Variants in SGMS1 observed in about 807,000 individuals in gnomAD.
SGMS1 encodes the protein phosphatidylcholine:ceramide cholinephosphotransferase 1.
In SGMS1, 13 loss-of-function variants were observed where a neutral mutation model predicts 46.2. The ratio of observed to expected loss-of-function variants is 0.28; its 90% CI spans 0.18 to 0.45. SGMS1 has a LOEUF of 0.45. Among genes scored for constraint, SGMS1 ranks in the 20% least tolerant of loss-of-function variants. The pLI is 1.00. For missense variants in SGMS1, 324 were observed against 519.9 expected, an observed-to-expected ratio of 0.62 and a Z score of 3.66; for synonymous variants, 203 against 187.8, an observed-to-expected ratio of 1.08 and a Z score of -0.66.
intron 4 of SGMS1, among the ~76,000 whole-genome samples, chr10:50,465,075 C>A (rs1488714841): frequency 6.6e-6 from 1 of 152,108 alleles, no homozygotes; most frequent in African/African-American, 2.4e-5. Context: ...CCCCTTAATC[C>A]TCATAGGTAG....
At chr10:50,463,953 T>C (rs1283234760) in intron 4 of SGMS1, among the ~76,000 whole-genome samples, 1 of 152,136 alleles carries the variant, frequency 6.6e-6, no homozygotes, top group East Asian at 1.9e-4. Flanking sequence ...TCCACTTATA[T>C]GAGGTATTTA....
chr10:50,310,783 G>C (rs1847241008), intron 9 of SGMS1, among the ~76,000 whole-genome samples: 1 of 152,154 alleles, frequency 6.6e-6, no homozygotes, highest in South Asian at 2.1e-4. Context: ...TTTAGTATCT[G>C]CCTCAGCCCT....
intron 6 of SGMS1, among the ~76,000 whole-genome samples, chr10:50,417,567 C>A (rs147221421): frequency 4.5e-4 from 68 of 152,296 alleles, no homozygotes; most frequent in African/African-American, 1.6e-3. Context: ...AACACAGGGG[C>A]ACGTGCATCC....
At chr10:50,505,762 G>A (rs1837701236) in intron 3 of SGMS1, among the ~76,000 whole-genome samples, 1 of 152,172 alleles carries the variant, frequency 6.6e-6, no homozygotes, top group Admixed American at 6.5e-5. Flanking sequence ...AGGGATGGGA[G>A]GGGGTGATGT....
intron 5 of SGMS1, among the ~76,000 whole-genome samples, chr10:50,456,300 A>C (rs1230387261): frequency 6.7e-6 from 1 of 149,620 alleles, no homozygotes; most frequent in Non-Finnish European, 1.5e-5. Context: ...CAATAAGGAC[A>C]ATTATTGATA....
Position 50,542,606 on chromosome 10 carries a change from GGAAAACAGA to G in SGMS1, c.-588-22694_-588-22686del, listed in dbSNP as rs1391579623. ...AAACTACCATAAAGAAAAGTGTATA[GGAAAACAGA>G]GAAAACAGAGAAGGTATACACACAC... On this transcript the variant is annotated intron_variant, in intron 2 of 10. Coordinates refer to ENST00000361781, the MANE Select transcript of SGMS1 (RefSeq NM_147156.4). Among the ~76,000 whole-genome samples the G allele has an allele frequency of 1.2e-4, 18 of 149,044 alleles. No individual in the cohort carries two copies. In the Admixed American group the frequency reaches 1.2e-3, roughly 10 times the overall value.
intron 6 of SGMS1, among the ~76,000 whole-genome samples, chr10:50,421,885 C>T (rs2133597244): frequency 6.6e-6 from 1 of 152,258 alleles, no homozygotes; most frequent in African/African-American, 2.4e-5. Flanking sequence ...GCTCTTTAGT[C>T]CAGGCCTCTC....
chr10:50,526,202 G>C (rs1837899799), intron 2 of SGMS1, among the ~76,000 whole-genome samples: 1 of 152,156 alleles, frequency 6.6e-6, no homozygotes, highest in Non-Finnish European at 1.5e-5. Context: ...AGCATGACTG[G>C]AAGGCCTCAG....
In SGMS1 at chr10:50,356,329, G is replaced by A. The variant is rs531557565; in HGVS notation, c.-231-11984C>T. 1.4e-4 allele frequency among the ~76,000 whole-genome samples: 22 copies of A among 152,214 alleles called. 1 individual carries two copies. Among genetic ancestry groups the A allele is most frequent in the Admixed American group, 4.6e-4 (7 of 15,274 alleles). ...AAATGGATTAAGGGCGGTGCAAGAT[G>A]TGCTTTGTTAAACAGATGCTTGAAG... On this transcript the variant is annotated intron_variant, in intron 6 of 10. Transcript: ENST00000361781.
At chr10:50,621,154 G>A (rs1838846155) in intron 1 of SGMS1, among the ~76,000 whole-genome samples, 1 of 151,994 alleles carries the variant, frequency 6.6e-6, no homozygotes, top group Non-Finnish European at 1.5e-5. Flanking sequence ...TCCATCCTGG[G>A]TGACAGAATA....
chr10:50,537,107 T>C (rs967701574), intron 2 of SGMS1, among the ~76,000 whole-genome samples: 1 of 152,234 alleles, frequency 6.6e-6, no homozygotes, highest in African/African-American at 2.4e-5. Flanking sequence ...TTGGCTGAAT[T>C]TTCCCAGTCT....
intron 3 of SGMS1, among the ~76,000 whole-genome samples, chr10:50,502,728 T>C (rs1400559895): frequency 6.6e-6 from 1 of 152,206 alleles, no homozygotes; most frequent in South Asian, 2.1e-4. Context: ...AATGTATTTA[T>C]GTGGATGCCC....
intron 6 of SGMS1, among the ~76,000 whole-genome samples, chr10:50,355,765 G>A (rs1449532543): frequency 1.3e-5 from 2 of 150,836 alleles, no homozygotes; most frequent in East Asian, 2.0e-4. Context: ...CCCTCTGCCC[G>A]GCTGCCCAGT....
At chr10:50,464,010 G>A (rs67761241) in intron 4 of SGMS1, among the ~76,000 whole-genome samples, 2 of 152,070 alleles carry the variant, frequency 1.3e-5, no homozygotes, top group Admixed American at 6.6e-5. Context: ...AAGGTGGTTC[G>A]TAGTTGCCAG....
At chr10:50,427,568 G>T (rs1021490216) in intron 6 of SGMS1, among the ~76,000 whole-genome samples, 1 of 152,206 alleles carries the variant, frequency 6.6e-6, no homozygotes, top group African/African-American at 2.4e-5. Context: ...AGGGGGGAAA[G>T]AGAAGGTAAG....
chr10:50,624,798 C>T (rs113917774), upstream of SGMS1: 265,306 of 986,272 alleles, frequency 0.27, 36,492 homozygotes, highest in Middle Eastern at 0.32. Flanking sequence ...GCCCCGATGC[C>T]CGCCGTCCCT....
chr10:50,523,994 A>G (rs907526870), intron 2 of SGMS1, among the ~76,000 whole-genome samples: 1 of 152,236 alleles, frequency 6.6e-6, no homozygotes, highest in Admixed American at 6.5e-5. Flanking sequence ...GAATTTCTTC[A>G]TATTAGAAAT....
intron 2 of SGMS1, among the ~76,000 whole-genome samples, chr10:50,564,754 A>AT (rs143459607): frequency 9.3e-5 from 14 of 150,970 alleles, no homozygotes; most frequent in Middle Eastern, 3.4e-3. Context: ...TAATCAGATT[A>AT]TTTTTTTTAT....
At chr10:50,459,729 C>CT (rs1353056376) in intron 5 of SGMS1, among the ~76,000 whole-genome samples, 1 of 152,160 alleles carries the variant, frequency 6.6e-6, no homozygotes, top group African/African-American at 2.4e-5. Context: ...TAAAACTCTG[C>CT]TTCAAAAAGG....
Sources: allele counts gnomAD v4.1 joint callset (sites outside exome capture counted in the v4.1 genomes callset), GRCh38; gene constraint gnomAD v4.1.1; transcripts MANE v1.5; gene names NCBI Gene and HGNC (gene_info 2026-07-23, HGNC 2026-07-21).